Variants in METTL27 observed in about 807,000 individuals in gnomAD.
METTL27 encodes methyltransferase like 27.
Under a neutral mutation model 24.5 loss-of-function variants are expected in METTL27, and 29 were observed. The ratio of observed to expected loss-of-function variants is 1.18; its 90% CI spans 0.88 to 1.61. The LOEUF is 1.61. Ranked by LOEUF, METTL27 falls within the 40% of genes most tolerant of loss-of-function variation. The pLI, the probability that METTL27 is intolerant of heterozygous loss-of-function variation, is 0.00. For missense variants in METTL27, 341 were observed against 324.3 expected (o/e 1.05, Z -0.40); for synonymous variants, 138 against 146.8 (o/e 0.94, Z 0.43).
chr7:73,836,466 G>A (rs1265897627), intron 5 of METTL27, among the ~76,000 whole-genome samples: 2 of 140,118 alleles, frequency 1.4e-5, no homozygotes, highest in African/African-American at 5.6e-5. Flanking sequence ...GCCTCTGCCC[G>A]GCCACCCCTA....
In METTL27 at chr7:73,834,666, G is replaced by GGCAGAGGAGGCCCA; in HGVS notation, c.*63_*76dup. On this transcript the variant is annotated 3_prime_UTR_variant, in exon 6 of 6. Transcript: ENST00000297873. The stretch of plus-strand genomic sequence containing the variant: ...TTCGGAGGTCCCATTTTACAGGGGA[G>GGCAGAGGAGGCCCA]GCAGAGGAGGCCCAGCAGATGGGCC... The GGCAGAGGAGGCCCA allele has an allele frequency of 7.4e-7, 1 of 1,344,766 alleles. No homozygotes were observed. Among genetic ancestry groups the GGCAGAGGAGGCCCA allele is most frequent in the East Asian group, 2.5e-5 (1 of 40,372 alleles). 83.3% of individuals were successfully genotyped at this position (1,344,766 alleles called of 1,614,324 possible). A position where few individuals can be genotyped will look rare whatever the true frequency, so the allele number is the denominator to read the frequency against.
Position 73,835,009 on chromosome 7 carries a change from GA to G in METTL27, c.479-8del. ...GTCAGACACACCAGCCCACCTGGGG[GA>G]GAGGGGTAGGTGAGGTGGGGGAGGG... On this transcript the variant is annotated splice_polypyrimidine_tract_variant and splice_region_variant and intron_variant, in intron 5 of 5. Coordinates refer to ENST00000297873, the MANE Select transcript of METTL27 (RefSeq NM_152559.3). The G allele has an allele frequency of 3.1e-6, 5 of 1,606,116 alleles. No individual in the cohort carries two copies. The highest frequency in any genetic ancestry group is 3.4e-6 in the Non-Finnish European group (4 of 1,177,420).
rs145055366 is a variant in METTL27, at chr7:73,842,034, G to T, written c.107C>A (p.Ala36Asp). ...AQKLHFYDRW[A>D]PDYDQDVATL... ...TGAGTTTACCTGGTCGTAGTCCGGAGCCCAGCGGTCATAGAAATGGAGCTT... is the reference window on the plus strand; with the variant it reads ...TGAGTTTACCTGGTCGTAGTCCGGATCCCAGCGGTCATAGAAATGGAGCTT... Residue 36 changes from alanine to aspartate, a missense_variant, in exon 2 of 6, where the codon GCT becomes GAT. Ala to Asp is a moderately radical substitution (Grantham distance 126, BLOSUM62 -2). Transcript: ENST00000297873. 1 of 1,614,044 alleles carries T rather than the reference G, an allele frequency of 6.2e-7. No homozygotes were observed. The highest frequency in any genetic ancestry group is 1.3e-5 in the African/African-American group (1 of 74,948).
chr7:73,835,646 A>G (rs1584334876), intron 5 of METTL27, among the ~76,000 whole-genome samples: 2 of 139,086 alleles, frequency 1.4e-5, no homozygotes, highest in African/African-American at 2.6e-5. Flanking sequence ...CCGTCTGGGA[A>G]GTGAGGAGCA....
intron 2 of METTL27, 65 bp from the exon 3 acceptor site, chr7:73,841,263 G>A: frequency 1.3e-6 from 2 of 1,524,018 alleles, no homozygotes; most frequent in Admixed American, 2.5e-5. Context: ...CCCTTATGGG[G>A]TGGTCTCAGA....
At chr7:73,842,179 C>G in intron 1 of METTL27, 35 bp from the exon 2 acceptor site, 1 of 1,574,154 alleles carries the variant, frequency 6.4e-7, no homozygotes, top group Non-Finnish European at 8.6e-7. Context: ...TCGAGGTCCA[C>G]CTCAATCGCC....
chr7:73,836,291 C>T (rs1429591348), intron 5 of METTL27, among the ~76,000 whole-genome samples: 1 of 134,424 alleles, frequency 7.4e-6, no homozygotes, highest in Non-Finnish European at 1.7e-5. Flanking sequence ...GGGTCAGCCC[C>T]CCGCCCGGCC....
In METTL27 at chr7:73,840,132, T is replaced by C. The variant is rs202036415; in HGVS notation, c.389-12A>G. 2.4e-6 allele frequency: 2 copies of C among 820,168 alleles called. No individual in the cohort carries two copies. The highest frequency in any genetic ancestry group is 3.2e-6 in the Non-Finnish European group (2 of 618,498). 50.8% of individuals were successfully genotyped at this position (820,168 alleles called of 1,614,324 possible). On this transcript the variant is annotated splice_polypyrimidine_tract_variant and intron_variant, in intron 4 of 5. Transcript: ENST00000297873. ...CGCGTCGAAGGTCCCTGTGTGTGTG[T>C]GGGGGGGGGTGGGGACATGGTGTGA...
At chr7:73,835,141 C>G (rs1788127205) in intron 5 of METTL27, 139 bp from the exon 6 acceptor site, 2 of 1,217,888 alleles carry the variant, frequency 1.6e-6, no homozygotes, top group Non-Finnish European at 2.2e-6. Context: ...CCCTCTCCCT[C>G]TCCCTCTCCC....
rs782379743 is a variant in METTL27, at chr7:73,841,063, G to A, written c.252+7C>T. 4 of 1,478,362 alleles carry A rather than the reference G, an allele frequency of 2.7e-6. No homozygotes were observed. The highest frequency in any genetic ancestry group is 3.6e-6 in the Non-Finnish European group (4 of 1,119,880). 91.6% of individuals were successfully genotyped at this position (1,478,362 alleles called of 1,614,324 possible). A position where few individuals can be genotyped will look rare whatever the true frequency, so the allele number is the denominator to read the frequency against. ...AGGAGTAGGCAGGGGATCTGGAAGAGCCTCACCTCGGCAGCCACTAGGCCT... is the reference window on the plus strand; with the variant it reads ...AGGAGTAGGCAGGGGATCTGGAAGAACCTCACCTCGGCAGCCACTAGGCCT... On this transcript the variant is annotated splice_region_variant and intron_variant, in intron 3 of 5. Coordinates refer to ENST00000297873, the MANE Select transcript of METTL27 (RefSeq NM_152559.3).
chr7:73,840,853 G>A (rs1160737722), intron 3 of METTL27, among the ~76,000 whole-genome samples: 1 of 152,112 alleles, frequency 6.6e-6, no homozygotes, highest in African/African-American at 2.4e-5. Flanking sequence ...AGAGACAGGG[G>A]TCTTGCTATG....
At chr7:73,836,311 G>T (rs542719341) in intron 5 of METTL27, among the ~76,000 whole-genome samples, 3 of 138,598 alleles carry the variant, frequency 2.2e-5, no homozygotes, top group African/African-American at 7.9e-5. Flanking sequence ...CAGCTGCCCC[G>T]TCCAGTAGGT....
At position 73,842,078 on chromosome 7, in the gene METTL27, G is replaced by A; in HGVS notation, c.63C>T (p.Gly21=). ...GGAGCTTTTGGGCCAGGTCGGGGAT[G>A]CCATGCGCGGCCCTGACCCGCGCCC... The part of the protein sequence containing the change: ...EVRARVRAAH[G]IPDLAQKLHF... The change falls in exon 2 of 6, where the codon GGC becomes GGT. Residue 21 remains glycine, a synonymous_variant. Transcript: ENST00000297873. The A allele has an allele frequency of 6.2e-7, 1 of 1,613,986 alleles. No individual in the cohort carries two copies. Among genetic ancestry groups the A allele is most frequent in the Non-Finnish European group, 8.5e-7 (1 of 1,179,986 alleles).
In METTL27 at chr7:73,842,163, C is replaced by A. The variant is rs782059306; in HGVS notation, c.-4-19G>T. ...CATGCTCCTGTGGGGACACCGTTGCCCTGTCTCGAGGTCCACCTCAATCGC... is the reference window on the plus strand; with the variant it reads ...CATGCTCCTGTGGGGACACCGTTGCACTGTCTCGAGGTCCACCTCAATCGC... On this transcript the variant is annotated intron_variant, in intron 1 of 5. Transcript: ENST00000297873. 3 of 1,593,006 alleles carry A rather than the reference C, an allele frequency of 1.9e-6. No homozygotes were observed. Among genetic ancestry groups the A allele is most frequent in the African/African-American group, 1.3e-5 (1 of 74,422 alleles).
intron 2 of METTL27, 49 bp from the exon 3 acceptor site, chr7:73,841,247 G>A (rs1332043247): frequency 1.9e-6 from 3 of 1,538,798 alleles, no homozygotes; most frequent in Non-Finnish European, 2.6e-6. Context: ...AGTGTTTGGG[G>A]GATCTCCCTT....
At position 73,842,029 on chromosome 7, in the gene METTL27, C is replaced by A. The variant is rs1326123441; in HGVS notation, c.112G>T (p.Asp38Tyr). The A allele has an allele frequency of 6.2e-7, 1 of 1,614,038 alleles. No homozygotes were observed. Among genetic ancestry groups the A allele is most frequent in the African/African-American group, 1.3e-5 (1 of 74,940 alleles). Residue 38 changes from aspartate to tyrosine, a missense_variant, in exon 2 of 6, where the codon GAC (aspartate) becomes TAC (tyrosine). Asp to Tyr is a radical substitution (Grantham distance 160, BLOSUM62 -3). Coordinates refer to ENST00000297873, the MANE Select transcript of METTL27 (RefSeq NM_152559.3). Reference protein sequence around the residue: ...KLHFYDRWAPDYDQDVATLLY... With the variant: ...KLHFYDRWAPYYDQDVATLLY... ...CCAAATGAGTTTACCTGGTCGTAGT[C>A]CGGAGCCCAGCGGTCATAGAAATGG...
intron 5 of METTL27, 46 bp downstream of exon 5, chr7:73,839,985 T>G: frequency 1.3e-6 from 2 of 1,522,202 alleles, no homozygotes; most frequent in Non-Finnish European, 1.8e-6. Flanking sequence ...CAGGGGAAGG[T>G]ATATGGTGAC....
chr7:73,840,494 A>G lies in METTL27; in HGVS notation c.308T>C (p.Leu103Pro). ...GAGGCCGGGGGCCTGGGCCTGTTCC[A>G]GCATCCCTGGGCTCCCATCCACCCC... ...LHGVDGSPGMLEQAQAPGLYQ... is the reference protein window; with the variant it reads ...LHGVDGSPGMPEQAQAPGLYQ... Residue 103 changes from leucine (L) to proline (P), a missense_variant, in exon 4 of 6, where the codon CTG (leucine) becomes CCG (proline). Coordinates refer to ENST00000297873, the MANE Select transcript of METTL27 (RefSeq NM_152559.3). The G allele has an allele frequency of 6.2e-7, 1 of 1,611,324 alleles. No individual in the cohort carries two copies. The highest frequency in any genetic ancestry group is 8.5e-7 in the Non-Finnish European group (1 of 1,179,248).
Position 73,840,103 on chromosome 7 carries a change from G to A in METTL27, c.406C>T (p.Leu136=), listed in dbSNP as rs1554636023. ...PSPEGTFDAV[L]IVGALSDGQV... Reference sequence around the variant, plus strand: ...CCGTCACTGAGGGCACCGACTATCAGCACCGCGTCGAAGGTCCCTGTGTGT... The same window carrying A: ...CCGTCACTGAGGGCACCGACTATCAACACCGCGTCGAAGGTCCCTGTGTGT... Residue 136 remains leucine (L), a synonymous_variant, in exon 5 of 6, where the codon CTG becomes TTG. Transcript: ENST00000297873. 5 of 1,562,740 alleles carry A rather than the reference G, an allele frequency of 3.2e-6. No homozygotes were observed. In the East Asian group the frequency reaches 7.8e-5, roughly 24 times the overall value.
Sources: gnomAD v4.1 joint callset for allele counts (sites outside exome capture counted in the v4.1 genomes callset) on GRCh38, gnomAD v4.1.1 for gene constraint, MANE v1.5 for transcripts, NCBI Gene and HGNC (gene_info 2026-07-23, HGNC 2026-07-21) for gene names.